The following XG variants were observed in gnomAD, a reference collection of about 807,000 sequenced individuals.
XG encodes the protein glycoprotein Xg.
Under a neutral mutation model 25.7 loss-of-function variants are expected in XG, and 24 were observed. That is an observed-to-expected ratio of 0.93 (90% CI 0.68 to 1.31). The LOEUF (loss-of-function observed/expected upper bound fraction) is 1.31, where lower values mean the gene tolerates loss of function less well. XG is among the 40% of genes most tolerant of loss of function. The pLI is 0.00. For missense variants in XG, 181 were observed against 187.6 expected (o/e 0.96, Z 0.21); for synonymous variants, 77 against 69.2 (o/e 1.11, Z -0.56).
chrX:2,794,397 T>C, intron 5 of XG, 138 bp from the exon 6 acceptor site: 1 of 652,886 alleles, frequency 1.5e-6, no homozygotes, highest in Non-Finnish European at 2.2e-6. Context: ...TCCTGGTGCC[T>C]GTGGGCGTCC....
chrX:2,801,747 C>G (rs7065741), intron 7 of XG, among the ~76,000 whole-genome samples: 7,104 of 110,254 alleles, frequency 0.064, 240 homozygotes, highest in African/African-American at 0.12. Flanking sequence ...CTCGCTCTGT[C>G]GCCCAGGCTG....
At chrX:2,786,904 G>A (rs2086789517) in intron 4 of XG, among the ~76,000 whole-genome samples, 1 of 110,388 alleles carries the variant, frequency 9.1e-6, no homozygotes, top group Non-Finnish European at 1.9e-5. Context: ...ACCATATCTT[G>A]ATCTCACACT....
intron 1 of XG, among the ~76,000 whole-genome samples, chrX:2,757,685 T>C (rs2050463759): frequency 6.6e-6 from 1 of 151,638 alleles, no homozygotes; most frequent in Non-Finnish European, 1.5e-5. Flanking sequence ...TATGGGGAAG[T>C]TGTGGGCCGG....
At chrX:2,780,511 C>G (rs2051096830) in intron 3 of XG, among the ~76,000 whole-genome samples, 1 of 149,680 alleles carries the variant, frequency 6.7e-6, no homozygotes, top group Non-Finnish European at 1.5e-5. Flanking sequence ...GGGTGGATCA[C>G]AAGGTCAGGA....
rs766916317 is a variant in XG, at chrX:2,792,719, G to A, written c.254-1816G>A. ...CCAGCCCTAGGAAACAGCCTCTTAA[G>A]CCAAGTGCAATGACTCTTGAACTCC... is the stretch of plus-strand genomic sequence containing the variant. On this transcript the variant is annotated intron_variant, in intron 5 of 10. Coordinates refer to ENST00000644266, the MANE Select transcript of XG (RefSeq NM_001141919.2). 2.8e-5 allele frequency among the ~76,000 whole-genome samples: 3 copies of A among 108,339 alleles called. No homozygotes were observed. The South Asian group carries it at 1.2e-3, about 45-fold the overall frequency. The allele number at this position is 108,339 out of a possible 115,157, so 94.1% of individuals were successfully genotyped here. A position where few individuals can be genotyped will look rare whatever the true frequency, so the allele number is the denominator to read the frequency against.
At chrX:2,780,767 C>T (rs949992523) in intron 3 of XG, among the ~76,000 whole-genome samples, 5 of 151,622 alleles carry the variant, frequency 3.3e-5, no homozygotes, top group African/African-American at 1.2e-4. Flanking sequence ...AGGTGGAGCA[C>T]TTGAAGCAAA....
At chrX:2,758,306 G>T (rs1311270532) in intron 1 of XG, among the ~76,000 whole-genome samples, 2 of 152,094 alleles carry the variant, frequency 1.3e-5, no homozygotes, top group Admixed American at 6.6e-5. Context: ...TATTAAAAGC[G>T]CCACCCAGTC....
At chrX:2,761,937 C>T (rs1429576205) in intron 1 of XG, among the ~76,000 whole-genome samples, 1 of 152,130 alleles carries the variant, frequency 6.6e-6, no homozygotes, top group African/African-American at 2.4e-5. Flanking sequence ...AAGCCATTAC[C>T]AAGTCTCTGT....
intron 10 of XG, among the ~76,000 whole-genome samples, chrX:2,812,236 C>G (rs1279751502): frequency 9.0e-6 from 1 of 111,249 alleles, no homozygotes; most frequent in Non-Finnish European, 1.9e-5. Context: ...TGCGCTCAGA[C>G]CATAGGGGAG....
rs183373544 is a variant in XG at position 2,804,961 on chromosome X, T to A, written c.374-1740T>A. On this transcript the variant is annotated intron_variant, in intron 7 of 10. Coordinates refer to ENST00000644266, the MANE Select transcript of XG (RefSeq NM_001141919.2). ...CCCAGTTTTGGGAGCATGACGCTTG[T>A]TTTCGAGGATGCCTGTGCTCCCCTT... Among the ~76,000 whole-genome samples, 462 of 112,317 alleles carry A rather than the reference T, an allele frequency of 4.1e-3. 3 individuals are homozygous for A. Among genetic ancestry groups the A allele is most frequent in the Non-Finnish European group, 7.1e-3 (376 of 53,121 alleles).
chrX:2,766,235 G>C (rs1200865697), intron 1 of XG, among the ~76,000 whole-genome samples: 2 of 152,176 alleles, frequency 1.3e-5, no homozygotes, highest in African/African-American at 2.4e-5. Context: ...CCACCTCCCA[G>C]GTTCAAGCAA....
At chrX:2,791,264 G>C (rs191344424) in intron 5 of XG, among the ~76,000 whole-genome samples, 1 of 111,341 alleles carries the variant, frequency 9.0e-6, no homozygotes, top group Admixed American at 9.6e-5. Context: ...AATGTGTGCA[G>C]ATTGAGGAAG....
intron 7 of XG, among the ~76,000 whole-genome samples, chrX:2,798,498 G>A (rs756984837): frequency 1.2e-3 from 125 of 108,086 alleles, no homozygotes; most frequent in African/African-American, 4.0e-3. Flanking sequence ...AGCCTCCCAA[G>A]TAGCTGGGAT....
At chrX:2,765,933 A>T (rs1186035286) in intron 1 of XG, among the ~76,000 whole-genome samples, 1 of 152,268 alleles carries the variant, frequency 6.6e-6, no homozygotes, top group Non-Finnish European at 1.5e-5. Flanking sequence ...GAGAAAAGAC[A>T]TACAAATGTA....
chrX:2,775,463 A>AG (rs1251980660), intron 3 of XG, among the ~76,000 whole-genome samples: 1 of 152,188 alleles, frequency 6.6e-6, no homozygotes, highest in African/African-American at 2.4e-5. Context: ...CGTGACTGCC[A>AG]GGGGCTGGAG....
intron 1 of XG, among the ~76,000 whole-genome samples, chrX:2,761,916 A>G (rs1334721144): frequency 6.6e-6 from 1 of 152,176 alleles, no homozygotes; most frequent in Non-Finnish European, 1.5e-5. Context: ...TTGCATTGTA[A>G]CAACTCTGGG....
intron 7 of XG, among the ~76,000 whole-genome samples, chrX:2,801,738 T>TGG (rs1411365882): frequency 9.0e-6 from 1 of 110,792 alleles, no homozygotes; most frequent in Non-Finnish European, 1.9e-5. Context: ...AGACGGAGTC[T>TGG]CGCTCTGTCG....
chrX:2,752,560 T>A (rs1247037001), intron 1 of XG, among the ~76,000 whole-genome samples: 1 of 152,150 alleles, frequency 6.6e-6, no homozygotes, highest in Non-Finnish European at 1.5e-5. Flanking sequence ...GGATGTTAGC[T>A]GATACCATCT....
At chrX:2,768,225 G>A (rs1452660260) in intron 1 of XG, among the ~76,000 whole-genome samples, 2 of 152,194 alleles carry the variant, frequency 1.3e-5, no homozygotes. Context: ...TTGCTGAGGG[G>A]ATGCCTGGGA....
Sources: gnomAD v4.1 joint callset for allele counts (sites outside exome capture counted in the v4.1 genomes callset) on GRCh38, gnomAD v4.1.1 for gene constraint, MANE v1.5 for transcripts, NCBI Gene and HGNC (gene_info 2026-07-23, HGNC 2026-07-21) for gene names.